RNASET2: variants seen among roughly 807,000 people sequenced by gnomAD.
RNASET2 encodes ribonuclease 6.
RNASET2 carries 28 observed loss-of-function variants against 33.9 expected under a neutral mutation model. The observed-to-expected ratio is 0.83, with a 90% CI of 0.61 to 1.13. The LOEUF (loss-of-function observed/expected upper bound fraction) is 1.13. Ranked by LOEUF, RNASET2 falls within the 50% of genes most tolerant of loss-of-function variation. The pLI is 0.00. For missense variants in RNASET2, 330 were observed against 319.9 expected (o/e 1.03, Z -0.24); for synonymous variants, 123 against 121.0 (o/e 1.02, Z -0.11).
intron 1 of RNASET2, among the ~76,000 whole-genome samples, chr6:166,954,019 T>C (rs900147701): frequency 6.6e-6 from 1 of 152,024 alleles, no homozygotes; most frequent in African/African-American, 2.4e-5. Context: ...GATGAGACTA[T>C]CAATATGCTT....
rs1454344318 is a variant in RNASET2 at position 166,956,507 on chromosome 6, C to A, written c.-325G>T. On this transcript the variant is annotated 5_prime_UTR_variant, in exon 1 of 9. Coordinates refer to ENST00000508775, the MANE Select transcript of RNASET2 (RefSeq NM_003730.6). ...CCACAGCGACCCCAGCTCCTCCACGCTGCAGCCGCCGTCCGCCCACGACCA... is the reference window on the plus strand; with the variant it reads ...CCACAGCGACCCCAGCTCCTCCACGATGCAGCCGCCGTCCGCCCACGACCA... 5.1e-6 allele frequency: 2 copies of A among 388,368 alleles called. No individual in the cohort carries two copies. Among genetic ancestry groups the A allele is most frequent in the Non-Finnish European group, 4.7e-6 (1 of 212,470 alleles). 24.1% of individuals were successfully genotyped at this position (388,368 alleles called of 1,614,324 possible).
At chr6:166,950,587 C>G (rs1012474247) in intron 2 of RNASET2, among the ~76,000 whole-genome samples, 2 of 152,252 alleles carry the variant, frequency 1.3e-5, no homozygotes, top group African/African-American at 2.4e-5. Flanking sequence ...CGGTCAAACA[C>G]TTGAGAAGTG....
rs527951601 is a variant in RNASET2 at position 166,925,783 on chromosome 6, G to C, written c.*3805C>G. Among the ~76,000 whole-genome samples the C allele has an allele frequency of 2.0e-5, 3 of 152,348 alleles. No individual in the cohort carries two copies. The highest frequency in any genetic ancestry group is 4.4e-5 in the Non-Finnish European group (3 of 68,030). On this transcript the variant is annotated 3_prime_UTR_variant, in exon 9 of 9. Coordinates refer to ENST00000508775, the MANE Select transcript of RNASET2 (RefSeq NM_003730.6). ...TGGGTGTTGATATCCCATGGAACTT[G>C]CTAAACTAGGTGAGCAGAAGAGCAC...
chr6:166,942,948 C>T, intron 5 of RNASET2, 71 bp downstream of exon 5: 4 of 1,262,020 alleles, frequency 3.2e-6, no homozygotes, highest in South Asian at 2.5e-5. Flanking sequence ...GTTTCCACTT[C>T]TAGCGATTCA....
chr6:166,947,646 CCAGA>C (rs1412566878), intron 3 of RNASET2, among the ~76,000 whole-genome samples: 45 of 152,288 alleles, frequency 3.0e-4, no homozygotes, highest in Admixed American at 2.2e-3. Flanking sequence ...GGTTATCTGA[CCAGA>C]CAGAGAAGAA....
chr6:166,934,290 G>A, intron 6 of RNASET2, 154 bp from the exon 7 acceptor site: 1 of 658,404 alleles, frequency 1.5e-6, no homozygotes. Context: ...AACATGGACT[G>A]CAAATACATG....
At position 166,933,983 on chromosome 6, in the gene RNASET2, G is replaced by A; in HGVS notation, c.492+108C>T. ...CACATGATAACATTTAAGTAGGAAG[G>A]GGGTTTGCACTGGGGCAATTTACAG... On this transcript the variant is annotated intron_variant, in intron 7 of 8. Transcript: ENST00000508775. The surrounding 1 kb of genome is among the most constrained non-coding windows in gnomAD (Gnocchi z 4.1). 1.2e-6 allele frequency: 1 copy of A among 806,956 alleles called. No homozygotes were observed. The highest frequency in any genetic ancestry group is 2.2e-6 in the Non-Finnish European group (1 of 444,798). The allele number at this position is 806,956 out of a possible 1,614,324, so 50.0% of individuals were successfully genotyped here.
chr6:166,953,492 G>C (rs911827907), intron 1 of RNASET2: 33 of 152,326 alleles, frequency 2.2e-4, no homozygotes, highest in African/African-American at 7.5e-4. Context: ...ATTAGCTTTT[G>C]TAAATAATTG....
intron 6 of RNASET2, among the ~76,000 whole-genome samples, chr6:166,936,557 C>T (rs1009424751): frequency 6.6e-6 from 1 of 152,138 alleles, no homozygotes; most frequent in Non-Finnish European, 1.5e-5. Flanking sequence ...CTGGTGTGTA[C>T]AGAGATCACA....
chr6:166,929,697 G>C lies in RNASET2; in HGVS notation c.662C>G (p.Ser221Cys), dbSNP rs35716361. ...QNCTEPGEQP[S>C]PKQEVWLANG... ...TGCCAGCCAGACTTCCTGCTTGGGG[G>C]ACGGCTGCTCCCCCGGCTCGGTGCA... The change falls in exon 9 of 9, where the codon TCC becomes TGC. Residue 221 changes from serine to cysteine, a missense_variant. By Grantham distance (112) the Ser-to-Cys change is moderately radical. Transcript: ENST00000508775. 48 of 1,614,012 alleles carry C rather than the reference G, an allele frequency of 3.0e-5. No individual in the cohort carries two copies. Among genetic ancestry groups the C allele is most frequent in the Non-Finnish European group, 4.0e-5 (47 of 1,180,042 alleles).
intron 4 of RNASET2, among the ~76,000 whole-genome samples, chr6:166,945,843 A>AAAAAAAAAAAAGAAAAG (rs1554268873): frequency 6.8e-6 from 1 of 146,260 alleles, no homozygotes. Context: ...AAAAAAAAAA[A>AAAAAAAAAAAAGAAAAG]AAAAGAAAAG....
Position 166,922,361 on chromosome 6 carries a change from AG to A in RNASET2, c.*7226del, listed in dbSNP as rs897117856. On this transcript the variant is annotated 3_prime_UTR_variant, in exon 9 of 9. Coordinates refer to ENST00000508775, the MANE Select transcript of RNASET2 (RefSeq NM_003730.6). ...TACACCTCATCTCTCATCATCAGCAAGTTGCATCCCACTGACCATCCCCCGG... is the reference window on the plus strand; with the variant it reads ...TACACCTCATCTCTCATCATCAGCAATTGCATCCCACTGACCATCCCCCGG... 8.5e-5 allele frequency among the ~76,000 whole-genome samples: 13 copies of A among 152,124 alleles called. No individual in the cohort carries two copies. Among genetic ancestry groups the A allele is most frequent in the Non-Finnish European group, 1.5e-4 (10 of 68,032 alleles).
Position 166,926,561 on chromosome 6 carries a change from AAAGAT to A in RNASET2, c.*3022_*3026del, listed in dbSNP as rs1295175676. On this transcript the variant is annotated 3_prime_UTR_variant, in exon 9 of 9. Coordinates refer to ENST00000508775, the MANE Select transcript of RNASET2 (RefSeq NM_003730.6). ...AAAAAAAAAAAAAGAAAAGAAAAGA[AAAGAT>A]ATCTAGTTCTGAATATGATACAATT... Among the ~76,000 whole-genome samples the A allele has an allele frequency of 6.6e-6, 1 of 151,944 alleles. No individual in the cohort carries two copies. The highest frequency in any genetic ancestry group is 2.4e-5 in the African/African-American group (1 of 41,388).
At chr6:166,955,199 ACGCACACACGCACGCACACACG>A (rs1352681654) in intron 1 of RNASET2, among the ~76,000 whole-genome samples, 33 of 134,244 alleles carry the variant, frequency 2.5e-4, no homozygotes, top group Non-Finnish European at 4.6e-4. Flanking sequence ...GCACACACGC[ACGCACACACGCACGCACACACG>A]CGCACACACG....
Position 166,923,041 on chromosome 6 carries a change from C to T in RNASET2, c.*6547G>A, listed in dbSNP as rs532453315. ...GCACAGGTCTGAAATGTGAAAAGCA[C>T]GTCAGCATAAAGTCCATACAGCATT... On this transcript the variant is annotated 3_prime_UTR_variant, in exon 9 of 9. Transcript: ENST00000508775. Among the ~76,000 whole-genome samples the T allele has an allele frequency of 2.6e-5, 4 of 152,334 alleles. No homozygotes were observed. The highest frequency in any genetic ancestry group is 3.9e-4 in the East Asian group (2 of 5,186).
At position 166,927,989 on chromosome 6, in the gene RNASET2, G is replaced by C. The variant is rs1322455582; in HGVS notation, c.*1599C>G. 6.6e-6 allele frequency among the ~76,000 whole-genome samples: 1 copy of C among 152,220 alleles called. No individual in the cohort carries two copies. The highest frequency in any genetic ancestry group is 1.5e-5 in the Non-Finnish European group (1 of 68,036). ...AGAAGGGCCGAGGGACAATGACAAG[G>C]TGGGGACCCTGGACCCTTGGGCTCC... On this transcript the variant is annotated 3_prime_UTR_variant, in exon 9 of 9. Coordinates refer to ENST00000508775, the MANE Select transcript of RNASET2 (RefSeq NM_003730.6).
At chr6:166,948,217 G>A (rs993215200) in intron 3 of RNASET2, among the ~76,000 whole-genome samples, 8 of 152,058 alleles carry the variant, frequency 5.3e-5, no homozygotes, top group South Asian at 4.1e-4. Flanking sequence ...GTGGTGGGGC[G>A]TGCCTGCAAT....
chr6:166,955,115 A>G (rs1779075117), intron 1 of RNASET2, among the ~76,000 whole-genome samples: 1 of 152,170 alleles, frequency 6.6e-6, no homozygotes. Context: ...TCTTCCACAG[A>G]ATTAAAGTTG....
Position 166,956,424 on chromosome 6 carries a change from G to A in RNASET2, c.-242C>T. The stretch of plus-strand genomic sequence containing the variant: ...GCAGCCCTGGCGACCCGGGCCCCTC[G>A]GAGCTCCCCTTCAGGATCGTGCACC... On this transcript the variant is annotated 5_prime_UTR_variant, in exon 1 of 9. Coordinates refer to ENST00000508775, the MANE Select transcript of RNASET2 (RefSeq NM_003730.6). 1.8e-6 allele frequency: 1 copy of A among 564,470 alleles called. No homozygotes were observed. Among genetic ancestry groups the A allele is most frequent in the Non-Finnish European group, 3.2e-6 (1 of 316,558 alleles). The allele number at this position is 564,470 out of a possible 1,614,324, so 35.0% of individuals were successfully genotyped here.
Sources: gnomAD v4.1 joint callset for allele counts (sites outside exome capture counted in the v4.1 genomes callset) on GRCh38, gnomAD v4.1.1 for gene constraint, Gnocchi (gnomAD v3.1) non-coding constraint, MANE v1.5 for transcripts, NCBI Gene and HGNC (gene_info 2026-07-23, HGNC 2026-07-21) for gene names.